Variants in PCDHGA4 observed in about 807,000 individuals in gnomAD.
PCDHGA4 encodes the protein protocadherin gamma-A4.
A neutral mutation model predicts 54.6 loss-of-function variants in PCDHGA4; 38 were observed. The observed-to-expected ratio is 0.70, with a 90% CI of 0.54 to 0.91. PCDHGA4 has a LOEUF of 0.91. Among genes scored for constraint, PCDHGA4 ranks in the 40% least tolerant of loss-of-function variants. The pLI is 0.00. For synonymous variants in PCDHGA4, 511 were observed against 512.9 expected (o/e 1.00, Z 0.05); for missense variants, 1,298 against 1,220.9 (o/e 1.06, Z -0.94).
chr5:141,491,006 T>C lies in PCDHGA4; in HGVS notation c.2515-3801T>C. The C allele has an allele frequency of 6.2e-7, 1 of 1,614,062 alleles. No homozygotes were observed. Among genetic ancestry groups the C allele is most frequent in the Non-Finnish European group, 8.5e-7 (1 of 1,180,028 alleles). ...CGCTCTGCTCCTCCTGGCTCCTTGG[T>C]CACCAAGGTGACAGCCGTGGATGCT... On this transcript the variant is annotated intron_variant, in intron 1 of 3. Transcript: ENST00000571252. This position sits in a 1 kb window ranked among gnomAD's most constrained non-coding sequence, Gnocchi z 6.9.
At chr5:141,409,631 T>C (rs773588699) in intron 1 of PCDHGA4, 27 of 1,613,698 alleles carry the variant, frequency 1.7e-5, no homozygotes, top group Non-Finnish European at 2.2e-5. Context: ...AGTGAGCGCC[T>C]CTGACCCGGA....
At position 141,382,875 on chromosome 5, in the gene PCDHGA4, C is replaced by T. The variant is rs531192742; in HGVS notation, c.2514+25254C>T. On this transcript the variant is annotated intron_variant, in intron 1 of 3. Transcript: ENST00000571252. ...TCTGAAGCACTTCCCGAGATCGGCG[C>T]CTAAGCAAGAGAAGCAGGACGACTA... 5 of 1,524,466 alleles carry T rather than the reference C, an allele frequency of 3.3e-6. No individual in the cohort carries two copies. In the East Asian group the frequency reaches 1.1e-4, roughly 35 times the overall value. The allele number at this position is 1,524,466 out of a possible 1,614,324, so 94.4% of individuals were successfully genotyped here. A position where few individuals can be genotyped will look rare whatever the true frequency, so the allele number is the denominator to read the frequency against.
At chr5:141,363,691 T>C (rs927918619) in intron 1 of PCDHGA4, among the ~76,000 whole-genome samples, 2 of 152,250 alleles carry the variant, frequency 1.3e-5, no homozygotes, top group Non-Finnish European at 2.9e-5. Flanking sequence ...ATAACTTACA[T>C]AAATCAGTAG....
At chr5:141,406,267 G>A (rs2094786630) in intron 1 of PCDHGA4, among the ~76,000 whole-genome samples, 1 of 151,854 alleles carries the variant, frequency 6.6e-6, no homozygotes, top group African/African-American at 2.4e-5. Context: ...CGATCTTCCT[G>A]CTTCAGTTTC....
chr5:141,456,888 G>A (rs376401806), intron 1 of PCDHGA4, among the ~76,000 whole-genome samples: 5 of 152,118 alleles, frequency 3.3e-5, no homozygotes, highest in Admixed American at 1.3e-4. Context: ...GCTTGAACCC[G>A]GGAGGCAGAG....
At position 141,491,410 on chromosome 5, in the gene PCDHGA4, G is replaced by A. The variant is rs777207581; in HGVS notation, c.2515-3397G>A. The A allele has an allele frequency of 1.9e-6, 3 of 1,614,024 alleles. No homozygotes were observed. Among genetic ancestry groups the A allele is most frequent in the Admixed American group, 1.7e-5 (1 of 60,006 alleles). ...GTGCCTTCAGGGAAACGCAGACGGGGACGGGGGTGGAGGGCAGTGCTGCAG... is the reference window on the plus strand; with the variant it reads ...GTGCCTTCAGGGAAACGCAGACGGGAACGGGGGTGGAGGGCAGTGCTGCAG... On this transcript the variant is annotated intron_variant, in intron 1 of 3. Transcript: ENST00000571252. The surrounding 1 kb of genome is among the most constrained non-coding windows in gnomAD (Gnocchi z 6.9).
intron 2 of PCDHGA4, among the ~76,000 whole-genome samples, chr5:141,502,109 C>G (rs2099812899): frequency 1.3e-5 from 2 of 152,182 alleles, no homozygotes; most frequent in Admixed American, 1.3e-4. Flanking sequence ...ACCCTGCACC[C>G]TCAGCCAGGC....
intron 1 of PCDHGA4, chr5:141,400,054 C>G: frequency 6.2e-7 from 1 of 1,613,622 alleles, no homozygotes; most frequent in Non-Finnish European, 8.5e-7. Flanking sequence ...GGTTGCTGTG[C>G]GTGATGGTGG....
intron 1 of PCDHGA4, among the ~76,000 whole-genome samples, chr5:141,438,036 C>T (rs1299733977): frequency 4.6e-5 from 7 of 152,026 alleles, no homozygotes; most frequent in South Asian, 2.1e-4. Flanking sequence ...CCACCATGCC[C>T]GACCACTTTG....
intron 1 of PCDHGA4, chr5:141,423,389 A>G (rs568843632): frequency 2.5e-6 from 4 of 1,614,160 alleles, no homozygotes; most frequent in Admixed American, 1.7e-5. Flanking sequence ...TGGCGCTGGC[A>G]TAAGTCACGC....
rs1316659737 is a variant in PCDHGA4 at position 141,490,964 on chromosome 5, C to T, written c.2515-3843C>T. ...CCACGGCCAGACTGGGAACACTCAG[C>T]CCCCCAGCGTCTCCCTCGCTCTGCT... On this transcript the variant is annotated intron_variant, in intron 1 of 3. Transcript: ENST00000571252. The surrounding 1 kb of genome is among the most constrained non-coding windows in gnomAD (Gnocchi z 5.4). 2.5e-6 allele frequency: 4 copies of T among 1,613,608 alleles called. No homozygotes were observed. Among genetic ancestry groups the T allele is most frequent in the East Asian group, 2.2e-5 (1 of 44,882 alleles).
intron 1 of PCDHGA4, chr5:141,375,227 G>C: frequency 6.2e-7 from 1 of 1,613,962 alleles, no homozygotes; most frequent in East Asian, 2.2e-5. Context: ...GAATGGCCTG[G>C]TAACCTGTTC....
intron 2 of PCDHGA4, among the ~76,000 whole-genome samples, chr5:141,496,753 A>G (rs2099771084): frequency 6.6e-6 from 1 of 152,166 alleles, no homozygotes; most frequent in Admixed American, 6.5e-5. Flanking sequence ...TTCAACAAAT[A>G]TTTATCGAGC....
chr5:141,511,453 T>G lies in PCDHGA4; in HGVS notation c.*280T>G. 1.7e-6 allele frequency: 1 copy of G among 595,822 alleles called. No individual in the cohort carries two copies. Among genetic ancestry groups the G allele is most frequent in the Non-Finnish European group, 2.8e-6 (1 of 360,062 alleles). 36.9% of individuals were successfully genotyped at this position (595,822 alleles called of 1,614,324 possible). ...GGTTACTGTAGACACCAAGAACCATTTGCCACACCCCGTTTAGTTACAGCT... is the reference window on the plus strand; with the variant it reads ...GGTTACTGTAGACACCAAGAACCATGTGCCACACCCCGTTTAGTTACAGCT... On this transcript the variant is annotated 3_prime_UTR_variant, in exon 4 of 4. Transcript: ENST00000571252.
At chr5:141,394,268 C>G in intron 1 of PCDHGA4, 1 of 1,613,946 alleles carries the variant, frequency 6.2e-7, no homozygotes, top group African/African-American at 1.3e-5. Flanking sequence ...AGGAGAATGC[C>G]CAGGTCACTT....
chr5:141,421,713 T>G, intron 1 of PCDHGA4: 1 of 1,613,932 alleles, frequency 6.2e-7, no homozygotes, highest in South Asian at 1.1e-5. Flanking sequence ...GGGATCCAGA[T>G]GTGGGCGTGA....
chr5:141,475,098 C>G (rs1252108172), intron 1 of PCDHGA4, among the ~76,000 whole-genome samples: 1 of 152,108 alleles, frequency 6.6e-6, no homozygotes, highest in East Asian at 1.9e-4. Flanking sequence ...TTATAAAGAT[C>G]CTAGGTGGTA....
Position 141,511,208 on chromosome 5 carries a change from C to T in PCDHGA4, c.*35C>T, listed in dbSNP as rs1278180818. 27 of 1,610,922 alleles carry T rather than the reference C, an allele frequency of 1.7e-5. No individual in the cohort carries two copies. Among genetic ancestry groups the T allele is most frequent in the Non-Finnish European group, 2.3e-5 (27 of 1,178,572 alleles). ...CAGGCCAAGAGCCACAGGGCGGCCT[C>T]TCCCCAACCAGCCCAGCTTCTCCTT... On this transcript the variant is annotated 3_prime_UTR_variant, in exon 4 of 4. Coordinates refer to ENST00000571252, the MANE Select transcript of PCDHGA4 (RefSeq NM_018917.4).
intron 1 of PCDHGA4, chr5:141,395,523 C>A: frequency 7.5e-6 from 3 of 400,150 alleles, no homozygotes; most frequent in Non-Finnish European, 1.3e-5. Flanking sequence ...CCCGTCCATA[C>A]TGGTAATTTT....
Sources: allele counts gnomAD v4.1 joint callset (sites outside exome capture counted in the v4.1 genomes callset), GRCh38; gene constraint gnomAD v4.1.1; non-coding constraint Gnocchi (gnomAD v3.1); transcripts MANE v1.5; gene names NCBI Gene and HGNC (gene_info 2026-07-23, HGNC 2026-07-21).